ACAP3: variants seen among roughly 807,000 people sequenced by gnomAD.
ACAP3 encodes ArfGAP with coiled-coil, ankyrin repeat and PH domains 3, also known as arf-GAP with coiled-coil, ANK repeat and PH domain-containing protein 3.
In ACAP3, 56 loss-of-function variants were observed where a neutral mutation model predicts 104.1. The ratio of observed to expected loss-of-function variants is 0.54; its 90% CI spans 0.43 to 0.67. The LOEUF is 0.67. ACAP3 is among the 30% of genes least tolerant of loss of function. The pLI is 0.00. For missense variants in ACAP3, 1,208 were observed against 1,174.9 expected, an observed-to-expected ratio of 1.03 and a Z score of -0.41; for synonymous variants, 628 against 496.2, an observed-to-expected ratio of 1.27 and a Z score of -3.53.
At chr1:1,307,417 G>A (rs953526777) in intron 1 of ACAP3, 2 of 1,292,662 alleles carry the variant, frequency 1.5e-6, no homozygotes, top group South Asian at 2.5e-5. Flanking sequence ...ACCAGGGGCC[G>A]ACGCCCCCAC....
At chr1:1,293,965 GC>G in intron 22 of ACAP3, 32 bp from the exon 23 acceptor site, 1 of 1,467,124 alleles carries the variant, frequency 6.8e-7, no homozygotes, top group Non-Finnish European at 9.1e-7. Context: ...GCGTGTCGGG[GC>G]GGGGCGGGGC....
At position 1,302,959 on chromosome 1, in the gene ACAP3, A is replaced by G. The variant is rs751632033; in HGVS notation, c.242T>C (p.Phe81Ser). 6.2e-7 allele frequency: 1 copy of G among 1,611,424 alleles called. No individual in the cohort carries two copies. The highest frequency in any genetic ancestry group is 8.5e-7 in the Non-Finnish European group (1 of 1,179,326). Residue 81 changes from phenylalanine (F) to serine (S), a missense_variant, in exon 4 of 24, where the codon TTC becomes TCC. Physicochemically the swap from Phe to Ser is radical, Grantham distance 155. Transcript: ENST00000354700. The part of the protein sequence containing the change: ...DTVISECLQR[F>S]ADSLQEVVNY... ...CACCACCTCCTGTAGGCTGTCAGCG[A>G]ACCTCTGCAGACATTCCTGGAGGAG... is the stretch of plus-strand genomic sequence containing the variant.
intron 14 of ACAP3, 36 bp from the exon 15 acceptor site, chr1:1,296,669 G>A (rs570377691): frequency 3.4e-5 from 52 of 1,517,850 alleles, no homozygotes; most frequent in Non-Finnish European, 4.2e-5. Context: ...GTCCCGCAGG[G>A]GCTCCAGCAT....
intron 1 of ACAP3, chr1:1,307,046 G>A: frequency 4.7e-6 from 3 of 640,106 alleles, no homozygotes; most frequent in Non-Finnish European, 5.1e-6. Context: ...CTCGTGCAGA[G>A]GAGGGGGCCT....
At chr1:1,301,639 A>C (rs1570654685) in intron 5 of ACAP3, 4 of 181,768 alleles carry the variant, frequency 2.2e-5, no homozygotes, top group Admixed American at 6.6e-5. Context: ...GCCTGCCCGC[A>C]CCCCTGCTGA....
chr1:1,303,423 A>T lies in ACAP3; in HGVS notation c.106-142T>A. ...CACTCAGGACTCAGTGCCCCGGTGC[A>T]GCTTCCTCACGCCTGGGCCTGCCTG... On this transcript the variant is annotated intron_variant, in intron 2 of 23. Coordinates refer to ENST00000354700, the MANE Select transcript of ACAP3 (RefSeq NM_030649.3). This position sits in a 1 kb window ranked among gnomAD's most constrained non-coding sequence, Gnocchi z 4.0. 1 of 967,172 alleles carries T rather than the reference A, an allele frequency of 1.0e-6. No individual in the cohort carries two copies. Among genetic ancestry groups the T allele is most frequent in the Non-Finnish European group, 1.4e-6 (1 of 731,814 alleles). The allele number at this position is 967,172 out of a possible 1,614,324, so 59.9% of individuals were successfully genotyped here. A position where few individuals can be genotyped will look rare whatever the true frequency, so the allele number is the denominator to read the frequency against.
chr1:1,302,989 T>G lies in ACAP3; in HGVS notation c.226-14A>C, dbSNP rs1478774507. ...CTGCAGACATTCCTGGAGGAGCAGA[T>G]GGGAACCCGTGCTGAGATGGCAAAT... On this transcript the variant is annotated splice_polypyrimidine_tract_variant and intron_variant, in intron 3 of 23. Coordinates refer to ENST00000354700, the MANE Select transcript of ACAP3 (RefSeq NM_030649.3). 6 of 1,607,368 alleles carry G rather than the reference T, an allele frequency of 3.7e-6. No homozygotes were observed. The highest frequency in any genetic ancestry group is 5.1e-6 in the Non-Finnish European group (6 of 1,177,120).
intron 1 of ACAP3, chr1:1,305,012 C>G (rs1557611399): frequency 6.6e-6 from 1 of 152,388 alleles, no homozygotes; most frequent in Non-Finnish European, 1.5e-5. Flanking sequence ...GACTCCAGGT[C>G]TAGGGCAGGG....
Position 1,298,132 on chromosome 1 carries a change from T to G in ACAP3, c.916-19A>C. ...GGGCATCCTGTGGGCGGCACCGCTGTGGCCCCTGCCCTCAGCCACCACCCG... is the reference window on the plus strand; with the variant it reads ...GGGCATCCTGTGGGCGGCACCGCTGGGGCCCCTGCCCTCAGCCACCACCCG... On this transcript the variant is annotated intron_variant, in intron 12 of 23. Coordinates refer to ENST00000354700, the MANE Select transcript of ACAP3 (RefSeq NM_030649.3). 6.3e-7 allele frequency: 1 copy of G among 1,593,204 alleles called. No homozygotes were observed. Among genetic ancestry groups the G allele is most frequent in the Non-Finnish European group, 8.5e-7 (1 of 1,170,808 alleles).
Position 1,294,559 on chromosome 1 carries a change from G to T in ACAP3, c.1982C>A (p.Ala661Glu). 6.7e-7 allele frequency: 1 copy of T among 1,502,342 alleles called. No homozygotes were observed. 93.1% of individuals were successfully genotyped at this position (1,502,342 alleles called of 1,614,324 possible). A position where few individuals can be genotyped will look rare whatever the true frequency, so the allele number is the denominator to read the frequency against. ...CCCCGGGTGCAGCTCGCGCACGTCCGCCAGGCCCCAGGCCTCGGCCTCAGT... is the reference window on the plus strand; with the variant it reads ...CCCCGGGTGCAGCTCGCGCACGTCCTCCAGGCCCCAGGCCTCGGCCTCAGT... Reference protein sequence around the residue: ...GDTEAEAWGLADVRELHPGLL... With the variant: ...GDTEAEAWGLEDVRELHPGLL... The change falls in exon 21 of 24, where the codon GCG becomes GAG. Residue 661 changes from alanine (A) to glutamate (E), a missense_variant. Physicochemically the swap from Ala to Glu is moderately radical, Grantham distance 107 (BLOSUM62 -1). Transcript: ENST00000354700.
rs1213087874 is a variant in ACAP3, at chr1:1,296,026, G to A, written c.1491C>T (p.Ala497=). Residue 497 remains alanine, a synonymous_variant, in exon 17 of 24, where the codon GCC becomes GCT. Coordinates refer to ENST00000354700, the MANE Select transcript of ACAP3 (RefSeq NM_030649.3). ...CEGAGSRKPT[A]SSSRQDKEAW... The stretch of plus-strand genomic sequence containing the variant: ...GTACCCCACCTCACCGGGAGCTGCT[G>A]GCTGTGGGTTTCCTGCTGCCTGCAC... 14 of 1,612,786 alleles carry A rather than the reference G, an allele frequency of 8.7e-6. No homozygotes were observed. The highest frequency in any genetic ancestry group is 1.2e-5 in the Non-Finnish European group (14 of 1,179,974).
rs1394156398 is a variant in ACAP3 at position 1,296,459 on chromosome 1, C to T, written c.1303G>A (p.Val435Met). 1.7e-5 allele frequency: 26 copies of T among 1,546,488 alleles called. No homozygotes were observed. The highest frequency in any genetic ancestry group is 2.2e-5 in the Non-Finnish European group (25 of 1,147,336). The change falls in exon 15 of 24, where the codon GTG (valine) becomes ATG (methionine). Residue 435 changes from valine to methionine, a missense_variant. By Grantham distance (21) the Val-to-Met change is conservative. Transcript: ENST00000354700. ...CCGGAGCACTCAATGCAGAGCAGCACGCCCAGGTTGATGCTGGCCCAGCGG... is the reference window on the plus strand; with the variant it reads ...CCGGAGCACTCAATGCAGAGCAGCATGCCCAGGTTGATGCTGGCCCAGCGG... ...DPRWASINLG[V>M]LLCIECSGIH...
chr1:1,300,764 G>T lies in ACAP3; in HGVS notation c.339-72C>A, dbSNP rs1344875168. On this transcript the variant is annotated intron_variant, in intron 5 of 23. Coordinates refer to ENST00000354700, the MANE Select transcript of ACAP3 (RefSeq NM_030649.3). The stretch of plus-strand genomic sequence containing the variant: ...GCTGGATCCTGGAGTCTCCCACATC[G>T]TTGTTTGTGTGTTTTTTGTTTTTTG... The T allele has an allele frequency of 7.3e-6, 11 of 1,498,456 alleles. No homozygotes were observed. In the South Asian group the frequency reaches 9.8e-5, roughly 13 times the overall value. 92.8% of individuals were successfully genotyped at this position (1,498,456 alleles called of 1,614,324 possible). A position where few individuals can be genotyped will look rare whatever the true frequency, so the allele number is the denominator to read the frequency against.
rs1296943649 is a variant in ACAP3, at chr1:1,307,205, G to A, written c.47+564C>T. The A allele has an allele frequency of 4.7e-6, 6 of 1,287,158 alleles. No homozygotes were observed. In the Admixed American group the frequency reaches 6.9e-5, roughly 15 times the overall value. The allele number at this position is 1,287,158 out of a possible 1,614,324, so 79.7% of individuals were successfully genotyped here. A position where few individuals can be genotyped will look rare whatever the true frequency, so the allele number is the denominator to read the frequency against. ...GTGTACACGCCTGCACGCCACGAAT[G>A]ATGGAAAACATGCAGACTCGGTGTG... On this transcript the variant is annotated intron_variant, in intron 1 of 23. Coordinates refer to ENST00000354700, the MANE Select transcript of ACAP3 (RefSeq NM_030649.3).
intron 1 of ACAP3, chr1:1,305,898 C>G (rs1641671986): frequency 6.6e-6 from 1 of 152,232 alleles, no homozygotes; most frequent in South Asian, 2.1e-4. Context: ...GTCCCCCTCT[C>G]CCGGGCTGGG....
At chr1:1,300,995 G>A (rs910096602) in intron 5 of ACAP3, among the ~76,000 whole-genome samples, 7 of 152,154 alleles carry the variant, frequency 4.6e-5, no homozygotes, top group Non-Finnish European at 7.3e-5. Flanking sequence ...TTGAACTCCC[G>A]ACCTCAGGTG....
chr1:1,298,521 C>A (rs767444623), intron 11 of ACAP3, 46 bp downstream of exon 11: 1 of 1,224,624 alleles, frequency 8.2e-7, no homozygotes, highest in Non-Finnish European at 1.1e-6. Context: ...CTGAGGACCC[C>A]ACCCCCGCCT....
At chr1:1,295,170 G>C (rs1303665634) in intron 19 of ACAP3, among the ~76,000 whole-genome samples, 4 of 152,082 alleles carry the variant, frequency 2.6e-5, no homozygotes, top group Non-Finnish European at 4.4e-5. Flanking sequence ...CTCCAGAAGG[G>C]CCCTAGGCTG....
At chr1:1,297,028 A>G (rs1203777658) in intron 14 of ACAP3, among the ~76,000 whole-genome samples, 1 of 152,078 alleles carries the variant, frequency 6.6e-6, no homozygotes, top group Non-Finnish European at 1.5e-5. Context: ...AGTGCACACC[A>G]GCACACACCC....
Sources: gnomAD v4.1 joint callset for allele counts (sites outside exome capture counted in the v4.1 genomes callset) on GRCh38, gnomAD v4.1.1 for gene constraint, Gnocchi (gnomAD v3.1) non-coding constraint, MANE v1.5 for transcripts, NCBI Gene and HGNC (gene_info 2026-07-23, HGNC 2026-07-21) for gene names.